LRMDA: variants seen among roughly 807,000 people sequenced by gnomAD.
LRMDA encodes leucine rich melanocyte differentiation associated, also known as leucine-rich melanocyte differentiation-associated protein.
A neutral mutation model predicts 29.8 loss-of-function variants in LRMDA; 18 were observed. That is an observed-to-expected ratio of 0.60 (90% CI 0.42 to 0.90). The LOEUF (loss-of-function observed/expected upper bound fraction) is 0.90. Among genes scored for constraint, LRMDA ranks in the 40% least tolerant of loss-of-function variants. The probability of loss-of-function intolerance (pLI) is 0.00; values close to 1 mark genes in which losing one functional copy is unlikely to be tolerated. For missense variants in LRMDA, 273 were observed against 273.9 expected (o/e 1.00, Z 0.02); for synonymous variants, 125 against 109.4 (o/e 1.14, Z -0.89).
chr10:76,074,005 C>T (rs1009842596), intron 5 of LRMDA, among the ~76,000 whole-genome samples: 2 of 152,126 alleles, frequency 1.3e-5, no homozygotes, highest in African/African-American at 2.4e-5. Flanking sequence ...AATCATTCTA[C>T]CTATAAAAGC....
intron 6 of LRMDA, among the ~76,000 whole-genome samples, chr10:76,332,346 C>A (rs1160330816): frequency 1.3e-5 from 2 of 152,194 alleles, no homozygotes; most frequent in Admixed American, 1.3e-4. Flanking sequence ...GGTCCATTTC[C>A]TCTCCTTTTC....
At chr10:76,451,440 C>T (rs932361651) in intron 6 of LRMDA, among the ~76,000 whole-genome samples, 18 of 151,960 alleles carry the variant, frequency 1.2e-4, no homozygotes, top group Admixed American at 9.2e-4. Context: ...CTCCTGACCT[C>T]GTGATCCGCC....
intron 2 of LRMDA, among the ~76,000 whole-genome samples, 164 bp downstream of exon 2, chr10:75,438,658 T>C (rs867222132): frequency 6.6e-6 from 1 of 152,242 alleles, no homozygotes; most frequent in Admixed American, 6.5e-5. Context: ...AAGGTTTCAC[T>C]GTGTCCGGTG....
rs563574634 is a variant in LRMDA at position 76,419,604 on chromosome 10, G to A, written c.601+95119G>A. 2.2e-4 allele frequency among the ~76,000 whole-genome samples: 34 copies of A among 152,140 alleles called. No homozygotes were observed. In the South Asian group the frequency reaches 6.8e-3, roughly 31 times the overall value. ...TACCAGGGAGTGTGGTTGCTGGATG[G>A]TATGGAAAGAGTATCTCTTGTAAGA... On this transcript the variant is annotated intron_variant, in intron 6 of 6. Transcript: ENST00000611255.
At chr10:75,579,822 A>T (rs1470222279) in intron 2 of LRMDA, among the ~76,000 whole-genome samples, 1 of 152,230 alleles carries the variant, frequency 6.6e-6, no homozygotes, top group Non-Finnish European at 1.5e-5. Flanking sequence ...GACAAAAATC[A>T]CATGTTTATC....
chr10:76,514,523 AGTTT>A (rs1843040360), intron 6 of LRMDA, among the ~76,000 whole-genome samples: 1 of 152,202 alleles, frequency 6.6e-6, no homozygotes, highest in African/African-American at 2.4e-5. Flanking sequence ...CATCCAAGTC[AGTTT>A]GTTTGGCTTG....
chr10:75,930,256 A>G (rs1589257069), intron 2 of LRMDA, among the ~76,000 whole-genome samples: 1 of 152,226 alleles, frequency 6.6e-6, no homozygotes, highest in East Asian at 1.9e-4. Context: ...TTTAAATTTT[A>G]CCAACTAAAA....
In LRMDA at chr10:76,148,672, C is replaced by T. The variant is rs192880133; in HGVS notation, c.516+89889C>T. Among the ~76,000 whole-genome samples the T allele has an allele frequency of 6.4e-3, 969 of 152,296 alleles. 13 individuals carry two copies. Among genetic ancestry groups the T allele is most frequent in the African/African-American group, 0.022 (897 of 41,546 alleles). On this transcript the variant is annotated intron_variant, in intron 5 of 6. Coordinates refer to ENST00000611255, the MANE Select transcript of LRMDA (RefSeq NM_001305581.2). ...GGCGATGCCTTCCCCTGCTACTGCT[C>T]GTGCACAGTGCGCTGCACCCACTGT...
Position 76,183,495 on chromosome 10 carries a change from G to A in LRMDA, c.516+124712G>A, listed in dbSNP as rs192827022. 3.5e-3 allele frequency among the ~76,000 whole-genome samples: 530 copies of A among 152,184 alleles called. 1 individual carries two copies. The highest frequency in any genetic ancestry group is 6.1e-3 in the Admixed American group (94 of 15,290). ...TCAAAGAAAAAGGCATCATTTATTTGCACCTGAATGGTACATTTCTGTTCA... is the reference window on the plus strand; with the variant it reads ...TCAAAGAAAAAGGCATCATTTATTTACACCTGAATGGTACATTTCTGTTCA... On this transcript the variant is annotated intron_variant, in intron 5 of 6. Coordinates refer to ENST00000611255, the MANE Select transcript of LRMDA (RefSeq NM_001305581.2).
intron 6 of LRMDA, among the ~76,000 whole-genome samples, chr10:76,372,880 T>G (rs1841471555): frequency 6.6e-6 from 1 of 152,166 alleles, no homozygotes; most frequent in African/African-American, 2.4e-5. Flanking sequence ...CATTGTGTTA[T>G]ATTTATATCA....
chr10:76,016,754 A>G (rs1376702608), intron 2 of LRMDA, among the ~76,000 whole-genome samples: 1 of 152,226 alleles, frequency 6.6e-6, no homozygotes. Context: ...TACACTAGGA[A>G]TCAGAGGCCA....
At chr10:76,162,425 T>TG (rs749715569) in intron 5 of LRMDA, among the ~76,000 whole-genome samples, 1 of 152,180 alleles carries the variant, frequency 6.6e-6, no homozygotes, top group Non-Finnish European at 1.5e-5. Flanking sequence ...AGAGAAATAC[T>TG]GGAGACTGTC....
chr10:75,928,975 C>T (rs191548902), intron 2 of LRMDA, among the ~76,000 whole-genome samples: 27 of 152,228 alleles, frequency 1.8e-4, no homozygotes, highest in East Asian at 5.8e-4. Context: ...AAGGATTACA[C>T]GAATAAAACA....
chr10:76,515,972 T>C (rs977628599), intron 6 of LRMDA, among the ~76,000 whole-genome samples: 1 of 152,176 alleles, frequency 6.6e-6, no homozygotes, highest in Non-Finnish European at 1.5e-5. Flanking sequence ...CATTGAAATA[T>C]AGAGACAAAG....
At chr10:75,572,307 A>T (rs1840446993) in intron 2 of LRMDA, among the ~76,000 whole-genome samples, 1 of 149,046 alleles carries the variant, frequency 6.7e-6, no homozygotes, top group Admixed American at 6.7e-5. Context: ...TGGAATAAAA[A>T]CTCTACCCCT....
chr10:75,662,973 A>G (rs1204264637), intron 2 of LRMDA, among the ~76,000 whole-genome samples: 2 of 151,814 alleles, frequency 1.3e-5, no homozygotes, highest in African/African-American at 2.4e-5. Flanking sequence ...TTTATAGAAG[A>G]CTCTTCTTGT....
intron 6 of LRMDA, among the ~76,000 whole-genome samples, chr10:76,374,099 A>G (rs142324362): frequency 7.9e-4 from 120 of 152,304 alleles, no homozygotes; most frequent in African/African-American, 2.7e-3. Flanking sequence ...CATGTTGACA[A>G]TCATGATTTG....
chr10:75,728,630 G>C (rs1842659240), intron 2 of LRMDA, among the ~76,000 whole-genome samples: 1 of 151,936 alleles, frequency 6.6e-6, no homozygotes, highest in African/African-American at 2.4e-5. Context: ...TACTAGGTTA[G>C]TTCAGAAGAG....
intron 5 of LRMDA, among the ~76,000 whole-genome samples, chr10:76,236,368 G>A (rs1278197924): frequency 6.6e-6 from 1 of 152,146 alleles, no homozygotes; most frequent in Admixed American, 6.5e-5. Flanking sequence ...AAGATAGATA[G>A]GATCTCTGAC....
Sources: gnomAD v4.1 joint callset for allele counts (sites outside exome capture counted in the v4.1 genomes callset) on GRCh38, gnomAD v4.1.1 for gene constraint, MANE v1.5 for transcripts, NCBI Gene and HGNC (gene_info 2026-07-23, HGNC 2026-07-21) for gene names.